BRAF: variants seen among roughly 807,000 people sequenced by gnomAD.
BRAF encodes the protein serine/threonine-protein kinase B-raf.
BRAF carries 16 observed loss-of-function variants against 104.6 expected under a neutral mutation model. The ratio of observed to expected loss-of-function variants is 0.15; its 90% CI spans 0.10 to 0.23. The LOEUF (loss-of-function observed/expected upper bound fraction) is 0.23, where lower values mean the gene tolerates loss of function less well. Ranked by LOEUF, BRAF falls within the 10% of genes least tolerant of loss-of-function variation. BRAF has a pLI of 1.00. For synonymous variants in BRAF, 310 were observed against 341.6 expected (o/e 0.91, Z 1.02); for missense variants, 541 against 937.3 (o/e 0.58, Z 5.52).
At chr7:140,812,586 T>G (rs1804400500) in intron 3 of BRAF, among the ~76,000 whole-genome samples, 1 of 152,218 alleles carries the variant, frequency 6.6e-6, no homozygotes, top group South Asian at 2.1e-4. Flanking sequence ...TTTGGTTTTC[T>G]GCTCTATTAC....
chr7:140,841,227 AATAG>A lies in BRAF; in HGVS notation c.241-6359_241-6356del, dbSNP rs375556459. ...TAAGATGGCTTTAATTAAAAAAACA[AATAG>A]ATAATAACAAGGGTTGATGAGGATG... On this transcript the variant is annotated intron_variant, in intron 2 of 19. Coordinates refer to ENST00000644969, the MANE Select transcript of BRAF (RefSeq NM_001374258.1). Among the ~76,000 whole-genome samples the A allele has an allele frequency of 3.6e-4, 55 of 152,336 alleles. No individual in the cohort carries two copies. The East Asian group carries it at 6.9e-3, about 19-fold the overall frequency.
rs895263746 is a variant in BRAF, at chr7:140,764,050, A to G, written c.1815-9817T>C. 2.0e-4 allele frequency among the ~76,000 whole-genome samples: 30 copies of G among 152,232 alleles called. 1 individual carries two copies. The highest frequency in any genetic ancestry group is 6.8e-4 in the African/African-American group (28 of 41,456). ...GAACATTGATGCAAAAATCCTCAAT[A>G]AAGTACTGGCAAACCGAATCCAGCA... On this transcript the variant is annotated intron_variant, in intron 14 of 19. Transcript: ENST00000644969.
chr7:140,767,959 A>G (rs1255359950), intron 14 of BRAF, among the ~76,000 whole-genome samples: 5 of 152,200 alleles, frequency 3.3e-5, no homozygotes, highest in African/African-American at 4.8e-5. Context: ...CCCACAGAAC[A>G]TAGTTGGCAT....
At chr7:140,787,706 T>C (rs953549934) in intron 8 of BRAF, 122 bp from the exon 9 acceptor site, 4 of 828,636 alleles carry the variant, frequency 4.8e-6, no homozygotes, top group South Asian at 3.2e-5. Context: ...ATACATCTTA[T>C]AACTATTACA....
intron 3 of BRAF, among the ~76,000 whole-genome samples, chr7:140,820,649 A>G (rs1026012475): frequency 6.6e-6 from 1 of 152,164 alleles, no homozygotes; most frequent in African/African-American, 2.4e-5. Context: ...TTATTCAAAT[A>G]TATCTCAGGG....
intron 1 of BRAF, among the ~76,000 whole-genome samples, chr7:140,893,028 C>G (rs1431012923): frequency 1.3e-5 from 2 of 152,178 alleles, no homozygotes; most frequent in Non-Finnish European, 2.9e-5. Context: ...ACTTCACTAT[C>G]AGCCTCACCC....
intron 1 of BRAF, among the ~76,000 whole-genome samples, chr7:140,912,992 A>C (rs1456252656): frequency 6.6e-6 from 1 of 152,206 alleles, no homozygotes; most frequent in African/African-American, 2.4e-5. Flanking sequence ...GCTGTTTCTT[A>C]AATAGGCAAG....
chr7:140,714,776 G>T (rs545089564), downstream of BRAF, among the ~76,000 whole-genome samples: 1 of 152,306 alleles, frequency 6.6e-6, no homozygotes, highest in South Asian at 2.1e-4. Context: ...CACTAACCAA[G>T]TGAGATTTAC....
intron 15 of BRAF, chr7:140,753,923 C>T: frequency 3.8e-6 from 2 of 522,826 alleles, no homozygotes; most frequent in South Asian, 2.1e-5. Context: ...TTTTATAGTG[C>T]TGATAAAATG....
At chr7:140,847,557 C>T (rs914153888) in intron 2 of BRAF, among the ~76,000 whole-genome samples, 4 of 151,340 alleles carry the variant, frequency 2.6e-5, no homozygotes, top group African/African-American at 9.7e-5. Context: ...CACTCCAGCC[C>T]GGGAGACAGC....
chr7:140,917,885 T>G (rs1586652948), intron 1 of BRAF, among the ~76,000 whole-genome samples: 1 of 152,314 alleles, frequency 6.6e-6, no homozygotes, highest in Non-Finnish European at 1.5e-5. Flanking sequence ...TGAAAATGAC[T>G]ACTGGAACAG....
intron 3 of BRAF, among the ~76,000 whole-genome samples, chr7:140,821,279 C>T (rs974323099): frequency 1.3e-5 from 2 of 151,192 alleles, no homozygotes; most frequent in Admixed American, 6.6e-5. Flanking sequence ...CCACTACACC[C>T]AGCGTCTGAA....
intron 2 of BRAF, among the ~76,000 whole-genome samples, chr7:140,848,974 T>C (rs1322027728): frequency 1.3e-5 from 2 of 152,256 alleles, no homozygotes; most frequent in Non-Finnish European, 2.9e-5. Flanking sequence ...GTAATTAAAT[T>C]ACTAAGTTAC....
intron 1 of BRAF, chr7:140,884,038 G>A (rs1041641721): frequency 6.6e-6 from 1 of 152,170 alleles, no homozygotes; most frequent in South Asian, 2.1e-4. Context: ...AAGAAAGAAC[G>A]GCCATCTACA....
chr7:140,833,169 C>T (rs2129061295), intron 3 of BRAF, among the ~76,000 whole-genome samples: 1 of 152,292 alleles, frequency 6.6e-6, no homozygotes, highest in Admixed American at 6.5e-5. Context: ...CAGGCACGAG[C>T]CACTGTGCCC....
At chr7:140,802,220 A>T (rs1803194820) in intron 5 of BRAF, among the ~76,000 whole-genome samples, 1 of 152,054 alleles carries the variant, frequency 6.6e-6, no homozygotes. Flanking sequence ...GGAGTTGAAT[A>T]ATTCCTATTG....
chr7:140,862,887 A>AT (rs1188926704), intron 1 of BRAF, among the ~76,000 whole-genome samples: 1 of 152,134 alleles, frequency 6.6e-6, no homozygotes, highest in Non-Finnish European at 1.5e-5. Context: ...TAAAACTGTT[A>AT]TTTTTTAAAA....
rs1269231006 is a variant in BRAF at position 140,720,605 on chromosome 7, G to A, written c.*5889C>T. On this transcript the variant is annotated 3_prime_UTR_variant, in exon 20 of 20. Coordinates refer to ENST00000644969, the MANE Select transcript of BRAF (RefSeq NM_001374258.1). ...ATTGCACTCTTACATTTGATTTCAG[G>A]TAATTACAGTTTATTTCCCACCCTC... 1 of 1,065,508 alleles carries A rather than the reference G, an allele frequency of 9.4e-7. No homozygotes were observed. Among genetic ancestry groups the A allele is most frequent in the South Asian group, 4.6e-5 (1 of 21,950 alleles). The allele number at this position is 1,065,508 out of a possible 1,614,324, so 66.0% of individuals were successfully genotyped here.
chr7:140,843,048 T>C (rs758740322), intron 2 of BRAF, among the ~76,000 whole-genome samples: 3 of 152,166 alleles, frequency 2.0e-5, no homozygotes, highest in Non-Finnish European at 4.4e-5. Flanking sequence ...AAAATAATCA[T>C]AGCACAACTT....
Sources: gnomAD v4.1 joint callset for allele counts (sites outside exome capture counted in the v4.1 genomes callset) on GRCh38, gnomAD v4.1.1 for gene constraint, MANE v1.5 for transcripts, NCBI Gene and HGNC (gene_info 2026-07-23, HGNC 2026-07-21) for gene names.